The following LGI1 variants were observed in gnomAD, a reference collection of about 807,000 sequenced individuals.
The protein encoded by LGI1 is leucine-rich glioma-inactivated protein 1.
A neutral mutation model predicts 57.7 loss-of-function variants in LGI1; 11 were observed. The observed-to-expected ratio is 0.19, with a 90% CI of 0.12 to 0.32. The LOEUF is 0.32. Among genes scored for constraint, LGI1 ranks in the 10% least tolerant of loss-of-function variants. LGI1 has a pLI of 1.00. For synonymous variants in LGI1, 222 were observed against 241.9 expected (o/e 0.92, Z 0.76); for missense variants, 422 against 661.9 (o/e 0.64, Z 3.98).
Position 93,758,712 on chromosome 10 carries a change from CTT to C in LGI1, c.216-46_216-45del, listed in dbSNP as rs2059591331. The stretch of plus-strand genomic sequence containing the variant: ...AGGTTTGTTCTGTGTGTGTGTGTCT[CTT>C]TGTGTGTGTCTGTTTGTTTGTTTTC... On this transcript the variant is annotated intron_variant, in intron 1 of 7. Transcript: ENST00000371418. This position sits in a 1 kb window ranked among gnomAD's most constrained non-coding sequence, Gnocchi z 4.7. 2.2e-6 allele frequency: 3 copies of C among 1,334,246 alleles called. No individual in the cohort carries two copies. Among genetic ancestry groups the C allele is most frequent in the African/African-American group, 1.4e-5 (1 of 69,822 alleles). The allele number at this position is 1,334,246 out of a possible 1,614,324, so 82.7% of individuals were successfully genotyped here. A position where few individuals can be genotyped will look rare whatever the true frequency, so the allele number is the denominator to read the frequency against.
At chr10:93,787,906 CAAAAA>C (rs61222250) in intron 4 of LGI1, among the ~76,000 whole-genome samples, 9 of 115,672 alleles carry the variant, frequency 7.8e-5, no homozygotes, top group Admixed American at 8.7e-5. Context: ...GACCCTGTCT[CAAAAA>C]AAAAAAAAAA....
rs71031537 is a variant in LGI1 at position 93,766,512 on chromosome 10, C to CTTTTTTTTTTTTTTTTTTTTT, written c.287+7691_287+7692insTTTTTTTTTTTTTTTTTTTTT. Reference sequence around the variant, plus strand: ...TTGGTGCTAAGCATTTTATAGATCTCTTTTTTTTTTGAGACGGAGTCTCGC... The same window carrying CTTTTTTTTTTTTTTTTTTTTT: ...TTGGTGCTAAGCATTTTATAGATCTCTTTTTTTTTTTTTTTTTTTTTTTTTTTTTTTGAGACGGAGTCTCGC... On this transcript the variant is annotated intron_variant, in intron 2 of 7. Coordinates refer to ENST00000371418, the MANE Select transcript of LGI1 (RefSeq NM_005097.4). 1.9e-4 allele frequency among the ~76,000 whole-genome samples: 16 copies of CTTTTTTTTTTTTTTTTTTTTT among 84,572 alleles called. 2 individuals are homozygous for CTTTTTTTTTTTTTTTTTTTTT. Among genetic ancestry groups the CTTTTTTTTTTTTTTTTTTTTT allele is most frequent in the East Asian group, 4.4e-4 (1 of 2,286 alleles). The allele number at this position is 84,572 out of a possible 152,430, so 55.5% of individuals were successfully genotyped here.
intron 2 of LGI1, chr10:93,763,275 C>A (rs1368660554): frequency 7.3e-6 from 1 of 137,898 alleles, no homozygotes; most frequent in Non-Finnish European, 1.6e-5. Flanking sequence ...ACTCTACACA[C>A]ACAGACACAC....
chr10:93,793,046 T>C, intron 6 of LGI1, 134 bp downstream of exon 6: 1 of 1,154,086 alleles, frequency 8.7e-7, no homozygotes, highest in Non-Finnish European at 1.2e-6. Flanking sequence ...TTATGAACCA[T>C]TGACAATGCT....
intron 7 of LGI1, among the ~76,000 whole-genome samples, chr10:93,796,159 C>T (rs2134025196): frequency 6.6e-6 from 1 of 152,350 alleles, no homozygotes; most frequent in East Asian, 1.9e-4. Flanking sequence ...CCCATGGCTG[C>T]ACCCTTCTTT....
rs2059591828 is a variant in LGI1, at chr10:93,758,736, T to C, written c.216-24T>C. ...TCTTTGTGTGTGTCTGTTTGTTTGT[T>C]TTCTCTTTTTTGTTTTCTTTCAGAT... On this transcript the variant is annotated intron_variant, in intron 1 of 7. Coordinates refer to ENST00000371418, the MANE Select transcript of LGI1 (RefSeq NM_005097.4). This position sits in a 1 kb window ranked among gnomAD's most constrained non-coding sequence, Gnocchi z 4.7. 2 of 1,568,698 alleles carry C rather than the reference T, an allele frequency of 1.3e-6. No homozygotes were observed. The highest frequency in any genetic ancestry group is 8.8e-7 in the Non-Finnish European group (1 of 1,140,356).
intron 2 of LGI1, chr10:93,759,292 G>T: frequency 6.0e-6 from 1 of 168,066 alleles, no homozygotes; most frequent in Admixed American, 5.8e-5. Flanking sequence ...CTCTTTCTAG[G>T]TAATTCCTTA....
rs761597954 is a variant in LGI1 at position 93,792,927 on chromosome 10, A to G, written c.673+15A>G. The G allele has an allele frequency of 8.1e-6, 13 of 1,611,700 alleles. No homozygotes were observed. In the South Asian group the frequency reaches 1.3e-4, roughly 16 times the overall value. On this transcript the variant is annotated intron_variant, in intron 6 of 7. Transcript: ENST00000371418. ...CATCATTACAGGTAATGTACTCATC[A>G]TCATTCCACCTCAAAAAATTAAAAT...
chr10:93,795,308 G>T (rs150406396), intron 7 of LGI1, among the ~76,000 whole-genome samples: 7 of 152,228 alleles, frequency 4.6e-5, no homozygotes, highest in Non-Finnish European at 8.8e-5. Context: ...CTGGAGGCTG[G>T]GAACTCCATG....
intron 2 of LGI1, 70 bp from the exon 3 acceptor site, chr10:93,777,309 A>C: frequency 7.3e-7 from 1 of 1,368,868 alleles, no homozygotes; most frequent in South Asian, 1.2e-5. Flanking sequence ...CATTTTTCTG[A>C]GAGATAAAAG....
At chr10:93,764,822 T>C (rs1300882739) in intron 2 of LGI1, 2 of 152,244 alleles carry the variant, frequency 1.3e-5, no homozygotes, top group Non-Finnish European at 2.9e-5. Context: ...ATCACTTTAA[T>C]TGGAACTACC....
At chr10:93,789,825 TCAC>T in intron 4 of LGI1, 4 of 406,968 alleles carry the variant, frequency 9.8e-6, no homozygotes, top group Non-Finnish European at 1.8e-5. Flanking sequence ...TGAGCTGAGG[TCAC>T]ACCACTTCAC....
chr10:93,775,680 C>T (rs761053008), intron 2 of LGI1, among the ~76,000 whole-genome samples: 11 of 152,150 alleles, frequency 7.2e-5, no homozygotes, highest in Non-Finnish European at 1.2e-4. Context: ...CTTCCCGTGA[C>T]GTGCATGGGC....
intron 2 of LGI1, among the ~76,000 whole-genome samples, chr10:93,773,323 C>T (rs1056085916): frequency 1.3e-5 from 2 of 152,012 alleles, no homozygotes; most frequent in Non-Finnish European, 2.9e-5. Context: ...TGACCTGGGA[C>T]CTGTGCTGAG....
At chr10:93,777,513 C>T (rs768935705) in intron 3 of LGI1, 33 bp from the exon 4 acceptor site, 1 of 1,609,470 alleles carries the variant, frequency 6.2e-7, no homozygotes, top group Non-Finnish European at 8.5e-7. Flanking sequence ...GTTCCTGTAA[C>T]TGTTTGACAA....
Position 93,793,104 on chromosome 10 carries a change from A to G in LGI1, c.674-82A>G. 2.4e-6 allele frequency: 3 copies of G among 1,266,780 alleles called. No homozygotes were observed. The South Asian group carries it at 4.0e-5, about 17-fold the overall frequency. 78.5% of individuals were successfully genotyped at this position (1,266,780 alleles called of 1,614,324 possible). On this transcript the variant is annotated intron_variant, in intron 6 of 7. Transcript: ENST00000371418. Reference sequence around the variant, plus strand: ...GCCATTTTACTATTCTCTGAAATAAATGTATTTCTTGTGAATATTTAAGAT... The same window carrying G: ...GCCATTTTACTATTCTCTGAAATAAGTGTATTTCTTGTGAATATTTAAGAT...
At chr10:93,780,328 G>C (rs2059835678) in intron 4 of LGI1, 1 of 152,210 alleles carries the variant, frequency 6.6e-6, no homozygotes, top group African/African-American at 2.4e-5. Context: ...CCCTCTGCCG[G>C]CTCAGTAAGT....
intron 2 of LGI1, among the ~76,000 whole-genome samples, chr10:93,776,199 T>C (rs749223168): frequency 2.0e-5 from 3 of 152,216 alleles, no homozygotes; most frequent in Admixed American, 6.5e-5. Flanking sequence ...CTAGGATTGA[T>C]AGTTTAGGAA....
chr10:93,769,642 G>A (rs1452579917), intron 2 of LGI1: 1 of 152,218 alleles, frequency 6.6e-6, no homozygotes, highest in Admixed American at 6.5e-5. Context: ...TTTAACAGAT[G>A]ATGAAACAGA....
Sources: gnomAD v4.1 joint callset for allele counts (sites outside exome capture counted in the v4.1 genomes callset) on GRCh38, gnomAD v4.1.1 for gene constraint, Gnocchi (gnomAD v3.1) non-coding constraint, MANE v1.5 for transcripts, NCBI Gene and HGNC (gene_info 2026-07-23, HGNC 2026-07-21) for gene names.